MDGA2: variants seen among roughly 807,000 people sequenced by gnomAD.
The protein encoded by MDGA2 is MAM domain containing glycosylphosphatidylinositol anchor 2, also known as MAM domain-containing glycosylphosphatidylinositol anchor protein 2.
In MDGA2, 40 loss-of-function variants were observed where a neutral mutation model predicts 117.8. The observed-to-expected ratio is 0.34, with a 90% CI of 0.26 to 0.44. MDGA2 has a LOEUF of 0.44. Ranked by LOEUF, MDGA2 falls within the 20% of genes least tolerant of loss-of-function variation. MDGA2 has a pLI of 1.00. For synonymous variants in MDGA2, 452 were observed against 439.0 expected (o/e 1.03, Z -0.37); for missense variants, 1,123 against 1,250.6 (o/e 0.90, Z 1.54).
chr14:47,657,947 G>A (rs1313894325), intron 1 of MDGA2, among the ~76,000 whole-genome samples: 1 of 152,102 alleles, frequency 6.6e-6, no homozygotes, highest in Non-Finnish European at 1.5e-5. Flanking sequence ...AGAACCAAGA[G>A]GAGACAGTGT....
At chr14:47,495,500 G>T (rs1012750163) in intron 1 of MDGA2, among the ~76,000 whole-genome samples, 6 of 151,964 alleles carry the variant, frequency 3.9e-5, no homozygotes, top group Non-Finnish European at 5.9e-5. Context: ...TCCCCCACAG[G>T]TAATAGTCTA....
Position 47,439,816 on chromosome 14 carries a change from G to GGTGT in MDGA2, c.281-138267_281-138266insACAC, listed in dbSNP as rs1271339901. Among the ~76,000 whole-genome samples, 74 of 21,512 alleles carry GGTGT rather than the reference G, an allele frequency of 3.4e-3. 2 individuals carry two copies. The South Asian group carries it at 0.16, about 48-fold the overall frequency. The allele number at this position is 21,512 out of a possible 152,430, so 14.1% of individuals were successfully genotyped here. A position where few individuals can be genotyped will look rare whatever the true frequency, so the allele number is the denominator to read the frequency against. ...TGGGCCAGGACAGTTATTCACTAAG[G>GGTGT]GAGTGTGTGTGTGTGTGTGTGTATG... On this transcript the variant is annotated intron_variant, in intron 1 of 16. Coordinates refer to ENST00000399232, the MANE Select transcript of MDGA2 (RefSeq NM_001113498.3).
At chr14:47,342,272 A>AAAATATGT (rs1380739223) in intron 1 of MDGA2, among the ~76,000 whole-genome samples, 20 of 142,498 alleles carry the variant, frequency 1.4e-4, no homozygotes, top group Non-Finnish European at 2.2e-4. Context: ...ATATATATAT[A>AAAATATGT]TATATATATA....
chr14:47,455,479 C>A (rs550590306), intron 1 of MDGA2, among the ~76,000 whole-genome samples: 1 of 151,920 alleles, frequency 6.6e-6, no homozygotes, highest in South Asian at 2.1e-4. Context: ...TTACTCCAGC[C>A]AGGATGACAC....
chr14:47,048,182 T>C (rs1156810213), intron 7 of MDGA2, among the ~76,000 whole-genome samples: 1 of 152,076 alleles, frequency 6.6e-6, no homozygotes, highest in Non-Finnish European at 1.5e-5. Flanking sequence ...TGTCCATTTT[T>C]ACAAAGGTCA....
chr14:46,958,007 C>A (rs1417589270), intron 8 of MDGA2, among the ~76,000 whole-genome samples: 1 of 151,954 alleles, frequency 6.6e-6, no homozygotes, highest in East Asian at 1.9e-4. Flanking sequence ...GGTAAGAATT[C>A]TTTTTTTATT....
intron 2 of MDGA2, among the ~76,000 whole-genome samples, chr14:47,238,983 C>T (rs767569391): frequency 1.3e-5 from 2 of 151,552 alleles, no homozygotes; most frequent in African/African-American, 2.4e-5. Context: ...AAATTGTGAT[C>T]GGCTCTGCAA....
chr14:47,655,079 A>G (rs976450838), intron 1 of MDGA2, among the ~76,000 whole-genome samples: 1 of 152,114 alleles, frequency 6.6e-6, no homozygotes, highest in African/African-American at 2.4e-5. Context: ...TATAGTCCTC[A>G]TTGTGCCCTC....
At position 46,841,763 on chromosome 14, in the gene MDGA2, T is replaced by G; in HGVS notation, c.*168A>C. The G allele has an allele frequency of 2.1e-6, 1 of 483,394 alleles. No homozygotes were observed. The highest frequency in any genetic ancestry group is 3.7e-5 in the Admixed American group (1 of 27,354). 29.9% of individuals were successfully genotyped at this position (483,394 alleles called of 1,614,324 possible). A position where few individuals can be genotyped will look rare whatever the true frequency, so the allele number is the denominator to read the frequency against. ...TCTGGAATAAGTTATACTTCCATGA[T>G]GTCTTTTTATCCCCAGTGCTTAAAA... On this transcript the variant is annotated 3_prime_UTR_variant, in exon 17 of 17. Coordinates refer to ENST00000399232, the MANE Select transcript of MDGA2 (RefSeq NM_001113498.3).
chr14:47,243,202 T>C (rs1887120175), intron 2 of MDGA2, among the ~76,000 whole-genome samples: 1 of 151,636 alleles, frequency 6.6e-6, no homozygotes, highest in Non-Finnish European at 1.5e-5. Flanking sequence ...TGGTGGGGCC[T>C]TGGAGAACCT....
intron 2 of MDGA2, among the ~76,000 whole-genome samples, chr14:47,289,491 A>G (rs1888807916): frequency 6.6e-6 from 1 of 151,962 alleles, no homozygotes; most frequent in Non-Finnish European, 1.5e-5. Context: ...AATATCTACC[A>G]TTTGGTGATC....
intron 6 of MDGA2, among the ~76,000 whole-genome samples, chr14:47,094,055 C>G (rs1879821867): frequency 6.6e-6 from 1 of 152,058 alleles, no homozygotes; most frequent in African/African-American, 2.4e-5. Context: ...TTTTCCTTAA[C>G]TGAATTTCTT....
intron 1 of MDGA2, among the ~76,000 whole-genome samples, chr14:47,586,115 T>G (rs1896320552): frequency 6.6e-6 from 1 of 151,954 alleles, no homozygotes. Flanking sequence ...CTCAATAATA[T>G]CTCCATTTCC....
intron 1 of MDGA2, chr14:47,343,068 G>A: frequency 7.8e-7 from 1 of 1,283,494 alleles, no homozygotes; most frequent in Non-Finnish European, 1.0e-6. Flanking sequence ...CAGATCCCAA[G>A]GGATTCATAC....
At chr14:47,492,842 T>C (rs942166049) in intron 1 of MDGA2, among the ~76,000 whole-genome samples, 39 of 152,248 alleles carry the variant, frequency 2.6e-4, no homozygotes, top group African/African-American at 8.7e-4. Flanking sequence ...ATGACAGACT[T>C]GTGCAATATA....
intron 1 of MDGA2, among the ~76,000 whole-genome samples, chr14:47,673,905 C>A (rs769578100): frequency 1.3e-5 from 2 of 151,968 alleles, no homozygotes; most frequent in Non-Finnish European, 2.9e-5. Context: ...ACTTGCTCAT[C>A]CATTCACACA....
intron 5 of MDGA2, among the ~76,000 whole-genome samples, chr14:47,118,421 A>G (rs774296142): frequency 3.3e-5 from 5 of 152,180 alleles, no homozygotes; most frequent in Non-Finnish European, 5.9e-5. Context: ...TGAAACATAA[A>G]ACATTGGATC....
chr14:47,674,094 G>C (rs1898127583), intron 1 of MDGA2, among the ~76,000 whole-genome samples: 1 of 151,734 alleles, frequency 6.6e-6, no homozygotes, highest in Non-Finnish European at 1.5e-5. Context: ...AGAGGAGGAG[G>C]CGGCGGGGGC....
At chr14:47,008,853 G>T (rs1167849641) in intron 8 of MDGA2, among the ~76,000 whole-genome samples, 6 of 151,830 alleles carry the variant, frequency 4.0e-5, no homozygotes, top group Admixed American at 3.3e-4. Context: ...TTAAAAATAG[G>T]TAAGGTCCTT....
Sources: gnomAD v4.1 joint callset for allele counts (sites outside exome capture counted in the v4.1 genomes callset) on GRCh38, gnomAD v4.1.1 for gene constraint, MANE v1.5 for transcripts, NCBI Gene and HGNC (gene_info 2026-07-23, HGNC 2026-07-21) for gene names.